TRIM35: variants seen among roughly 807,000 people sequenced by gnomAD.
TRIM35 encodes the protein tripartite motif containing 35.
Under a neutral mutation model 49.1 loss-of-function variants are expected in TRIM35, and 37 were observed. The observed-to-expected ratio is 0.75, with a 90% CI of 0.58 to 0.99. The LOEUF (loss-of-function observed/expected upper bound fraction) is 0.99. Ranked by LOEUF, TRIM35 falls within the 50% of genes least tolerant of loss-of-function variation. The pLI is 0.00. For missense variants in TRIM35, 648 were observed against 702.7 expected (o/e 0.92, Z 0.88); for synonymous variants, 302 against 289.3 (o/e 1.04, Z -0.45).
At chr8:27,305,420 C>A (rs895294871) in intron 1 of TRIM35, among the ~76,000 whole-genome samples, 1 of 152,210 alleles carries the variant, frequency 6.6e-6, no homozygotes, top group East Asian at 1.9e-4. Context: ...CCCCCCACTC[C>A]CAATACCACT....
chr8:27,293,619 C>G (rs1399792905), intron 3 of TRIM35, among the ~76,000 whole-genome samples: 2 of 152,034 alleles, frequency 1.3e-5, no homozygotes, highest in Non-Finnish European at 2.9e-5. Context: ...GTGGAAGCAT[C>G]ACTTGAGGCC....
intron 5 of TRIM35, among the ~76,000 whole-genome samples, chr8:27,288,799 A>T (rs1183232257): frequency 1.3e-5 from 2 of 152,208 alleles, no homozygotes; most frequent in African/African-American, 4.8e-5. Flanking sequence ...AAACCAGGAC[A>T]CTGTGGCTCA....
chr8:27,290,040 A>T (rs1802420705), intron 4 of TRIM35, 116 bp downstream of exon 4: 1 of 1,176,944 alleles, frequency 8.5e-7, no homozygotes, highest in African/African-American at 1.5e-5. Context: ...CCAGTAGCTC[A>T]TGTGTGCTGG....
chr8:27,305,921 C>T (rs1020078307), intron 1 of TRIM35, among the ~76,000 whole-genome samples: 6 of 152,180 alleles, frequency 3.9e-5, no homozygotes, highest in South Asian at 2.1e-4. Flanking sequence ...ACTGCACCCT[C>T]GAATGCCTGG....
chr8:27,306,280 TTTCAG>T (rs1459713469), intron 1 of TRIM35, among the ~76,000 whole-genome samples: 1 of 152,126 alleles, frequency 6.6e-6, no homozygotes, highest in Non-Finnish European at 1.5e-5. Flanking sequence ...TGACACATGC[TTTCAG>T]TTCACAACTT....
chr8:27,289,346 A>T, intron 4 of TRIM35, 66 bp from the exon 5 acceptor site: 1 of 1,321,526 alleles, frequency 7.6e-7, no homozygotes, highest in South Asian at 1.2e-5. Context: ...AACTGGGCCA[A>T]CTGGAAACCA....
rs544786737 is a variant in TRIM35, at chr8:27,296,522, G to T, written c.531+1942C>A. ...GTACTAATCAGGCTGGAATTCTAGG[G>T]GCTTCCCATGTGACCTCATTACCCT... is the stretch of plus-strand genomic sequence containing the variant. On this transcript the variant is annotated intron_variant, in intron 2 of 5. Transcript: ENST00000305364. 1.3e-4 allele frequency among the ~76,000 whole-genome samples: 20 copies of T among 152,214 alleles called. 1 individual carries two copies. The Middle Eastern group carries it at 0.014, about 104-fold the overall frequency.
At position 27,299,492 on chromosome 8, in the gene TRIM35, C is replaced by T. The variant is rs930958693; in HGVS notation, c.436-933G>A. On this transcript the variant is annotated intron_variant, in intron 1 of 5. Transcript: ENST00000305364. The stretch of plus-strand genomic sequence containing the variant: ...AGTAGATAAGTAATATTATTGGCCC[C>T]ATTTATAGATGAGAAAGTGAGGCAC... 3.9e-5 allele frequency among the ~76,000 whole-genome samples: 6 copies of T among 152,078 alleles called. No homozygotes were observed. In the East Asian group the frequency reaches 9.6e-4, roughly 24 times the overall value.
chr8:27,308,160 T>C (rs945122718), intron 1 of TRIM35, among the ~76,000 whole-genome samples: 6 of 152,070 alleles, frequency 3.9e-5, no homozygotes, highest in Non-Finnish European at 8.8e-5. Flanking sequence ...TGCAGACACC[T>C]CGATTTTAGG....
rs1400570229 is a variant in TRIM35, at chr8:27,307,966, G to T, written c.435+2835C>A. Among the ~76,000 whole-genome samples the T allele has an allele frequency of 2.0e-5, 3 of 152,196 alleles. No individual in the cohort carries two copies. The East Asian group carries it at 5.8e-4, about 29-fold the overall frequency. The stretch of plus-strand genomic sequence containing the variant: ...GTGGGGAGGTTATCCTGGATTACCT[G>T]GGTGGGCCCAATGTCATCACAGGGT... On this transcript the variant is annotated intron_variant, in intron 1 of 5. Transcript: ENST00000305364.
intron 2 of TRIM35, 32 bp from the exon 3 acceptor site, chr8:27,294,342 A>G (rs759587243): frequency 1.3e-6 from 2 of 1,592,630 alleles, no homozygotes; most frequent in Non-Finnish European, 1.7e-6. Flanking sequence ...GTCAGGGGTC[A>G]GATGTGGAGA....
At chr8:27,292,959 C>T (rs115907407) in intron 3 of TRIM35, among the ~76,000 whole-genome samples, 5 of 151,978 alleles carry the variant, frequency 3.3e-5, no homozygotes, top group East Asian at 1.9e-4. Flanking sequence ...ACAGAATCCT[C>T]GAGACACACA....
rs1179533768 is a variant in TRIM35 at position 27,289,296 on chromosome 8, G to C, written c.786-16C>G. The C allele has an allele frequency of 6.2e-7, 1 of 1,608,312 alleles. No individual in the cohort carries two copies. Among genetic ancestry groups the C allele is most frequent in the Non-Finnish European group, 8.5e-7 (1 of 1,174,988 alleles). ...GCAGAAGAGTCTGGAAAAGTACAAT[G>C]GGTATGGTGGGCAGGGCCAGAGCCA... On this transcript the variant is annotated splice_polypyrimidine_tract_variant and intron_variant, in intron 4 of 5. Transcript: ENST00000305364.
At chr8:27,292,251 G>A (rs929438235) in intron 3 of TRIM35, among the ~76,000 whole-genome samples, 1 of 152,146 alleles carries the variant, frequency 6.6e-6, no homozygotes, top group Non-Finnish European at 1.5e-5. Flanking sequence ...AGTATTCAGT[G>A]CAGCAACGTG....
Position 27,299,372 on chromosome 8 carries a change from A to G in TRIM35, c.436-813T>C, listed in dbSNP as rs532600504. Among the ~76,000 whole-genome samples, 3 of 152,290 alleles carry G rather than the reference A, an allele frequency of 2.0e-5. No homozygotes were observed. The South Asian group carries it at 6.2e-4, about 32-fold the overall frequency. Reference sequence around the variant, plus strand: ...TTTCTTAAGAAAAATAATTCAAATAATTATAAATGGTTATCATTTATTCAG... The same window carrying G: ...TTTCTTAAGAAAAATAATTCAAATAGTTATAAATGGTTATCATTTATTCAG... On this transcript the variant is annotated intron_variant, in intron 1 of 5. Coordinates refer to ENST00000305364, the MANE Select transcript of TRIM35 (RefSeq NM_171982.5).
intron 3 of TRIM35, among the ~76,000 whole-genome samples, chr8:27,293,796 C>A (rs1478146075): frequency 6.6e-6 from 1 of 152,074 alleles, no homozygotes; most frequent in East Asian, 1.9e-4. Flanking sequence ...TGAGGTTACA[C>A]TGAGCTATAA....
At chr8:27,290,243 G>A (rs948046989) in intron 3 of TRIM35, 65 bp from the exon 4 acceptor site, 1 of 1,526,930 alleles carries the variant, frequency 6.5e-7, no homozygotes, top group Non-Finnish European at 9.1e-7. Flanking sequence ...ATATGTTTCT[G>A]ACCTCAAAAG....
At chr8:27,304,566 G>T (rs1802744830) in intron 1 of TRIM35, among the ~76,000 whole-genome samples, 1 of 152,200 alleles carries the variant, frequency 6.6e-6, no homozygotes, top group Non-Finnish European at 1.5e-5. Context: ...CTGAGGGCAG[G>T]TCTTAACCTC....
At chr8:27,306,847 C>T (rs144296162) in intron 1 of TRIM35, among the ~76,000 whole-genome samples, 265 of 152,218 alleles carry the variant, frequency 1.7e-3, no homozygotes, top group African/African-American at 5.6e-3. Flanking sequence ...GTATCTTGGC[C>T]AGGAGTAGAG....
Sources: gnomAD v4.1 joint callset for allele counts (sites outside exome capture counted in the v4.1 genomes callset) on GRCh38, gnomAD v4.1.1 for gene constraint, MANE v1.5 for transcripts, NCBI Gene and HGNC (gene_info 2026-07-23, HGNC 2026-07-21) for gene names.